PDZRN4: variants seen among roughly 807,000 people sequenced by gnomAD.
PDZRN4 encodes PDZ domain-containing RING finger protein 4.
Under a neutral mutation model 99.0 loss-of-function variants are expected in PDZRN4, and 70 were observed. The ratio of observed to expected loss-of-function variants is 0.71; its 90% CI spans 0.58 to 0.86. PDZRN4 has a LOEUF of 0.86. Among genes scored for constraint, PDZRN4 ranks in the 40% least tolerant of loss-of-function variants. The pLI is 0.00. For synonymous variants in PDZRN4, 551 were observed against 501.6 expected (o/e 1.10, Z -1.32); for missense variants, 1,474 against 1,331.2 (o/e 1.11, Z -1.67).
chr12:41,259,211 C>T (rs747514178), intron 3 of PDZRN4, among the ~76,000 whole-genome samples: 1 of 151,712 alleles, frequency 6.6e-6, no homozygotes, highest in African/African-American at 2.4e-5. Context: ...GTAACAATAA[C>T]ATTAAATATT....
At chr12:41,568,113 A>C (rs1939410265) in intron 9 of PDZRN4, among the ~76,000 whole-genome samples, 1 of 152,162 alleles carries the variant, frequency 6.6e-6, no homozygotes, top group Admixed American at 6.5e-5. Context: ...AAGCTTGGGG[A>C]CAATTGTTAA....
At chr12:41,412,743 C>A (rs1952409619) in intron 3 of PDZRN4, among the ~76,000 whole-genome samples, 1 of 152,022 alleles carries the variant, frequency 6.6e-6, no homozygotes, top group South Asian at 2.1e-4. Flanking sequence ...ACAATGAATA[C>A]CAAATGCTGA....
intron 3 of PDZRN4, among the ~76,000 whole-genome samples, chr12:41,402,332 T>A (rs371440813): frequency 1 from 576 of 576 alleles, 288 homozygotes; most frequent in Non-Finnish European, 1. Context: ...ACACACACTG[T>A]GTGTATATAT....
intron 3 of PDZRN4, among the ~76,000 whole-genome samples, chr12:41,292,242 G>T (rs1014109224): frequency 3.3e-5 from 5 of 152,188 alleles, no homozygotes; most frequent in African/African-American, 9.6e-5. Flanking sequence ...CAGCTAGAGA[G>T]AGTTGTTCAT....
intron 3 of PDZRN4, among the ~76,000 whole-genome samples, chr12:41,283,063 C>CA (rs1184445074): frequency 2.1e-5 from 3 of 145,912 alleles, no homozygotes; most frequent in African/African-American, 2.5e-5. Context: ...GAAAACCCTC[C>CA]AAAAAAATCA....
intron 3 of PDZRN4, among the ~76,000 whole-genome samples, chr12:41,448,134 C>T (rs1952744715): frequency 6.6e-6 from 1 of 152,080 alleles, no homozygotes; most frequent in Non-Finnish European, 1.5e-5. Context: ...CTTTTGAGGG[C>T]TTGAAAGCCT....
chr12:41,533,433 A>C (rs1731967469), intron 5 of PDZRN4, among the ~76,000 whole-genome samples: 1 of 152,114 alleles, frequency 6.6e-6, no homozygotes, highest in African/African-American at 2.4e-5. Flanking sequence ...TCAGCCTCCC[A>C]AAGTGCTGGG....
intron 3 of PDZRN4, among the ~76,000 whole-genome samples, chr12:41,246,172 C>T (rs1951132699): frequency 6.6e-6 from 1 of 152,110 alleles, no homozygotes; most frequent in South Asian, 2.1e-4. Flanking sequence ...TTGATTACAT[C>T]ATTTCAATAT....
In PDZRN4 at chr12:41,525,006, G is replaced by A. The variant is rs2120723786; in HGVS notation, c.1203+15093G>A. 2.6e-5 allele frequency among the ~76,000 whole-genome samples: 4 copies of A among 152,292 alleles called. No homozygotes were observed. In the Middle Eastern group the frequency reaches 0.014, roughly 518 times the overall value. ...TGAAAGCAGCTTCTTCATTTTTGAA[G>A]TTGAGCTATTAGATAGCTATTTCCT... On this transcript the variant is annotated intron_variant, in intron 5 of 9. Coordinates refer to ENST00000402685, the MANE Select transcript of PDZRN4 (RefSeq NM_001164595.2).
At chr12:41,207,203 CAT>C (rs201986362) in intron 3 of PDZRN4, among the ~76,000 whole-genome samples, 2,603 of 151,776 alleles carry the variant, frequency 0.017, 42 homozygotes, top group Non-Finnish European at 0.024. Context: ...TTTTCTTAGA[CAT>C]GTGTAATTTT....
intron 3 of PDZRN4, among the ~76,000 whole-genome samples, chr12:41,336,725 T>A (rs1592017566): frequency 6.6e-6 from 1 of 151,902 alleles, no homozygotes; most frequent in Non-Finnish European, 1.5e-5. Context: ...ATTTGGTGGG[T>A]TGGGGCTTGG....
At chr12:41,457,745 A>G (rs1952828488) in intron 3 of PDZRN4, among the ~76,000 whole-genome samples, 1 of 152,240 alleles carries the variant, frequency 6.6e-6, no homozygotes, top group Non-Finnish European at 1.5e-5. Flanking sequence ...TAAGTAATTG[A>G]AAGCATTAGT....
chr12:41,400,954 T>C (rs1379286039), intron 3 of PDZRN4, among the ~76,000 whole-genome samples: 2 of 152,210 alleles, frequency 1.3e-5, no homozygotes, highest in Non-Finnish European at 2.9e-5. Flanking sequence ...TTGGATTGTA[T>C]TGTTAAAATT....
chr12:41,493,907 G>T (rs995500374), intron 3 of PDZRN4, among the ~76,000 whole-genome samples: 5 of 148,310 alleles, frequency 3.4e-5, no homozygotes, highest in Non-Finnish European at 6.0e-5. Context: ...ATAATGGGGG[G>T]GGGGATTCTC....
intron 3 of PDZRN4, among the ~76,000 whole-genome samples, chr12:41,386,743 A>T (rs1310814460): frequency 6.6e-6 from 1 of 152,236 alleles, no homozygotes; most frequent in Non-Finnish European, 1.5e-5. Flanking sequence ...GGATACAGTA[A>T]CCAAAACAGG....
At chr12:41,310,662 A>T (rs11180763) in intron 3 of PDZRN4, among the ~76,000 whole-genome samples, 4,016 of 152,272 alleles carry the variant, frequency 0.026, 79 homozygotes, top group East Asian at 0.084. Context: ...GGACAAAAAT[A>T]TTTCTTAAGA....
intron 3 of PDZRN4, among the ~76,000 whole-genome samples, chr12:41,221,811 A>C (rs548052545): frequency 3.1e-4 from 47 of 152,244 alleles, no homozygotes; most frequent in Non-Finnish European, 7.4e-5. Context: ...AACGGACAAG[A>C]AAGGAGAGAA....
intron 6 of PDZRN4, among the ~76,000 whole-genome samples, 189 bp downstream of exon 6, chr12:41,552,943 C>T (rs1009602004): frequency 2.0e-5 from 3 of 152,138 alleles, no homozygotes; most frequent in Non-Finnish European, 4.4e-5. Flanking sequence ...TTATTATGAG[C>T]TTGTTTAATG....
intron 3 of PDZRN4, among the ~76,000 whole-genome samples, chr12:41,372,778 C>T (rs563756101): frequency 6.6e-6 from 1 of 152,066 alleles, no homozygotes; most frequent in South Asian, 2.1e-4. Flanking sequence ...TAGACTTTAT[C>T]CTGAAGGTGC....
Sources: allele counts gnomAD v4.1 joint callset (sites outside exome capture counted in the v4.1 genomes callset), GRCh38; gene constraint gnomAD v4.1.1; transcripts MANE v1.5; gene names NCBI Gene and HGNC (gene_info 2026-07-23, HGNC 2026-07-21).